HIP1: variants seen among roughly 807,000 people sequenced by gnomAD.
HIP1 encodes the protein huntingtin-interacting protein 1.
In HIP1, 65 loss-of-function variants were observed where a neutral mutation model predicts 147.6. That is an observed-to-expected ratio of 0.44 (90% CI 0.36 to 0.54). The LOEUF (loss-of-function observed/expected upper bound fraction) is 0.54, where lower values mean the gene tolerates loss of function less well. Ranked by LOEUF, HIP1 falls within the 20% of genes least tolerant of loss-of-function variation. HIP1 has a pLI of 0.00. For synonymous variants in HIP1, 479 were observed against 504.0 expected, an observed-to-expected ratio of 0.95 and a Z score of 0.67; for missense variants, 1,061 against 1,299.6, an observed-to-expected ratio of 0.82 and a Z score of 2.82.
chr7:75,655,163 G>A (rs1444594759), intron 1 of HIP1, among the ~76,000 whole-genome samples: 4 of 152,182 alleles, frequency 2.6e-5, no homozygotes, highest in African/African-American at 4.8e-5. Flanking sequence ...ATCAACAGAC[G>A]AATGCATTGA....
chr7:75,642,036 G>C (rs554857483), intron 1 of HIP1, among the ~76,000 whole-genome samples: 1 of 152,054 alleles, frequency 6.6e-6, no homozygotes, highest in Non-Finnish European at 1.5e-5. Flanking sequence ...GTCTCTTCCT[G>C]TCCAATTCAT....
intron 1 of HIP1, among the ~76,000 whole-genome samples, chr7:75,720,961 C>A (rs924001627): frequency 6.7e-6 from 1 of 150,036 alleles, no homozygotes; most frequent in Non-Finnish European, 1.5e-5. Context: ...TCGCTTGAAT[C>A]TGGGAGGCGG....
At chr7:75,548,625 C>T (rs1376094847) in intron 23 of HIP1, among the ~76,000 whole-genome samples, 3 of 151,976 alleles carry the variant, frequency 2.0e-5, no homozygotes, top group Non-Finnish European at 4.4e-5. Context: ...TATAAGCATG[C>T]ACCACCATGC....
chr7:75,580,888 T>C (rs1371500850), intron 7 of HIP1, among the ~76,000 whole-genome samples: 1 of 152,086 alleles, frequency 6.6e-6, no homozygotes, highest in Admixed American at 6.6e-5. Context: ...ATTACAGGCA[T>C]GTGCCACCAT....
At chr7:75,663,264 G>T (rs1554513905) in intron 1 of HIP1, among the ~76,000 whole-genome samples, 2 of 152,188 alleles carry the variant, frequency 1.3e-5, no homozygotes, top group Non-Finnish European at 2.9e-5. Flanking sequence ...TGTCTGTAGT[G>T]TAAGTGGGAA....
At chr7:75,620,470 T>G (rs1307512717) in intron 1 of HIP1, among the ~76,000 whole-genome samples, 1 of 151,182 alleles carries the variant, frequency 6.6e-6, no homozygotes, top group African/African-American at 2.4e-5. Flanking sequence ...GTGGGTCACT[T>G]GAGGTCAGAA....
chr7:75,674,150 A>C (rs2705819), intron 1 of HIP1, among the ~76,000 whole-genome samples: 86,015 of 151,982 alleles, frequency 0.57, 24,834 homozygotes, highest in African/African-American at 0.66. Context: ...TTCACTTCTT[A>C]CTTTCCAATA....
In HIP1 at chr7:75,554,228, G is replaced by T. The variant is rs371528912; in HGVS notation, c.2051-8C>A. 4 of 1,609,496 alleles carry T rather than the reference G, an allele frequency of 2.5e-6. No homozygotes were observed. The African/African-American group carries it at 4.0e-5, about 16-fold the overall frequency. ...GGAGAAGTCCACTGATGTCTGCCAG[G>T]ATTGGAAAGAGAAGTTTCTCAGGTC... On this transcript the variant is annotated splice_polypyrimidine_tract_variant and splice_region_variant and intron_variant, in intron 20 of 30. Transcript: ENST00000336926.
intron 1 of HIP1, among the ~76,000 whole-genome samples, chr7:75,627,143 G>A (rs1317018194): frequency 6.6e-6 from 1 of 152,078 alleles, no homozygotes; most frequent in Non-Finnish European, 1.5e-5. Flanking sequence ...ACAGCATCAG[G>A]GTCCAGTGCA....
chr7:75,651,813 G>T (rs1554512023), intron 1 of HIP1, among the ~76,000 whole-genome samples: 2 of 152,118 alleles, frequency 1.3e-5, no homozygotes, highest in African/African-American at 4.8e-5. Flanking sequence ...TTAGAAAATT[G>T]CCTGCATACC....
intron 9 of HIP1, among the ~76,000 whole-genome samples, chr7:75,567,810 A>T (rs12540881): frequency 0.096 from 14,075 of 146,742 alleles, 759 homozygotes; most frequent in East Asian, 0.26. Flanking sequence ...ACAAGTATTT[A>T]AAAAAAATTT....
At chr7:75,693,348 AG>A (rs771272028) in intron 1 of HIP1, among the ~76,000 whole-genome samples, 24 of 152,010 alleles carry the variant, frequency 1.6e-4, no homozygotes, top group Non-Finnish European at 2.6e-4. Flanking sequence ...CCATTGTTTA[AG>A]GCATTCTGCG....
chr7:75,547,702 G>A (rs1484686776), intron 24 of HIP1, 53 bp downstream of exon 24: 1 of 1,466,430 alleles, frequency 6.8e-7, no homozygotes, highest in African/African-American at 1.4e-5. Flanking sequence ...ATAGACCAAT[G>A]TCAGGAAGAC....
At chr7:75,672,162 ATCT>A (rs1799746557) in intron 1 of HIP1, among the ~76,000 whole-genome samples, 1 of 152,160 alleles carries the variant, frequency 6.6e-6, no homozygotes, top group East Asian at 1.9e-4. Context: ...CCATTTGTAT[ATCT>A]TCTTTGAAGA....
rs146790874 is a variant in HIP1 at position 75,557,659 on chromosome 7, G to T, written c.1576C>A (p.Arg526=). The T allele has an allele frequency of 3.2e-5, 51 of 1,610,418 alleles. No individual in the cohort carries two copies. The highest frequency in any genetic ancestry group is 3.1e-5 in the Non-Finnish European group (36 of 1,177,302). The change falls in exon 16 of 31, where the codon CGG becomes AGG. Residue 526 remains arginine (R), a synonymous_variant. Transcript: ENST00000336926. ...SLERISDQGQ[R]KTQEQLEVLE... is the part of the protein sequence containing the mutation. Reference sequence around the variant, plus strand: ...GTGCTCCTCGTCCCACTCACCTTCCGCTGGCCCTGGTCACTGATGCGCTCC... The same window carrying T: ...GTGCTCCTCGTCCCACTCACCTTCCTCTGGCCCTGGTCACTGATGCGCTCC...
At chr7:75,711,764 A>G (rs567138142) in intron 1 of HIP1, among the ~76,000 whole-genome samples, 24 of 152,254 alleles carry the variant, frequency 1.6e-4, no homozygotes, top group Non-Finnish European at 2.8e-4. Context: ...TGGCCTCTGC[A>G]TCTGCAGCTG....
intron 2 of HIP1, among the ~76,000 whole-genome samples, chr7:75,595,188 C>CTTTCTT (rs1563229924): frequency 6.4e-5 from 2 of 31,494 alleles, no homozygotes; most frequent in African/African-American, 1.9e-4. Flanking sequence ...TGTAGGAGTC[C>CTTTCTT]TTTCTTTCTT....
intron 1 of HIP1, among the ~76,000 whole-genome samples, chr7:75,602,707 T>G (rs1554503229): frequency 1.3e-5 from 2 of 151,828 alleles, no homozygotes. Context: ...TTATATATTT[T>G]CTTCTCCTGA....
Position 75,554,503 on chromosome 7 carries a change from A to T in HIP1, c.1987T>A (p.Ser663Thr). The change falls in exon 20 of 31, where the codon TCC becomes ACC. Residue 663 changes from serine (S) to threonine (T), a missense_variant. Ser to Thr is a moderately conservative substitution (Grantham distance 58). Coordinates refer to ENST00000336926, the MANE Select transcript of HIP1 (RefSeq NM_005338.7). ...AGTTGCTCGATGCAGCTGGAAATGG[A>T]TGTGACCGTGGAGAGGAGGTGATCT... Reference protein sequence around the residue: ...SADHLLSTVTSISSCIEQLEK... With the variant: ...SADHLLSTVTTISSCIEQLEK... 6.2e-7 allele frequency: 1 copy of T among 1,613,790 alleles called. No homozygotes were observed. Among genetic ancestry groups the T allele is most frequent in the Non-Finnish European group, 8.5e-7 (1 of 1,179,836 alleles).
Sources: gnomAD v4.1 joint callset for allele counts (sites outside exome capture counted in the v4.1 genomes callset) on GRCh38, gnomAD v4.1.1 for gene constraint, MANE v1.5 for transcripts, NCBI Gene and HGNC (gene_info 2026-07-23, HGNC 2026-07-21) for gene names.